SGSM1: variants seen among roughly 807,000 people sequenced by gnomAD.
SGSM1 encodes the protein small G protein signaling modulator 1.
SGSM1 carries 73 observed loss-of-function variants against 133.8 expected under a neutral mutation model. The ratio of observed to expected loss-of-function variants is 0.55; its 90% CI spans 0.45 to 0.66. The LOEUF is 0.66. Among genes scored for constraint, SGSM1 ranks in the 30% least tolerant of loss-of-function variants. The pLI is 0.00. For synonymous variants in SGSM1, 563 were observed against 573.0 expected, an observed-to-expected ratio of 0.98 and a Z score of 0.25; for missense variants, 1,213 against 1,448.1, an observed-to-expected ratio of 0.84 and a Z score of 2.64.
Position 24,868,878 on chromosome 22 carries a change from C to A in SGSM1, c.1291+23C>A, listed in dbSNP as rs1418452829. ...TCGGTGAGCTGCCCTGTCCCGGGCCCCGGGGAGTCACCTGCTAACTGATCC... is the reference window on the plus strand; with the variant it reads ...TCGGTGAGCTGCCCTGTCCCGGGCCACGGGGAGTCACCTGCTAACTGATCC... On this transcript the variant is annotated intron_variant, in intron 12 of 24. Coordinates refer to ENST00000400358, the MANE Select transcript of SGSM1 (RefSeq NM_001098497.3). 4.3e-6 allele frequency: 7 copies of A among 1,610,714 alleles called. 1 individual carries two copies. The South Asian group carries it at 7.7e-5, about 18-fold the overall frequency.
At chr22:24,881,728 C>T (rs1159969437) in intron 14 of SGSM1, among the ~76,000 whole-genome samples, 37 of 152,206 alleles carry the variant, frequency 2.4e-4, no homozygotes, top group Non-Finnish European at 1.5e-5. Flanking sequence ...ATCATCATCA[C>T]TATGACTGTC....
chr22:24,908,487 C>T (rs903475205), intron 21 of SGSM1, among the ~76,000 whole-genome samples: 6 of 152,036 alleles, frequency 3.9e-5, no homozygotes, highest in African/African-American at 1.5e-4. Flanking sequence ...AATATATAAA[C>T]AACTCTTACA....
chr22:24,844,757 G>A (rs1020991635), intron 2 of SGSM1, 140 bp from the exon 3 acceptor site: 8 of 617,468 alleles, frequency 1.3e-5, no homozygotes, highest in Non-Finnish European at 2.2e-5. Context: ...GGCGAGGAGG[G>A]GGAAGGAAAG....
chr22:24,921,785 C>T lies in SGSM1; in HGVS notation c.3193+1792C>T, dbSNP rs541097102. 3.3e-5 allele frequency among the ~76,000 whole-genome samples: 5 copies of T among 151,886 alleles called. No homozygotes were observed. In the East Asian group the frequency reaches 9.7e-4, roughly 29 times the overall value. ...CATGATCTCAGCTCACTACAACCTC[C>T]GCCTCCTGGGTTCAAGTGATTCTCC... On this transcript the variant is annotated intron_variant, in intron 24 of 24. Coordinates refer to ENST00000400358, the MANE Select transcript of SGSM1 (RefSeq NM_001098497.3).
At chr22:24,908,257 G>T (rs2123727211) in intron 21 of SGSM1, among the ~76,000 whole-genome samples, 1 of 152,252 alleles carries the variant, frequency 6.6e-6, no homozygotes, top group Middle Eastern at 3.4e-3. Context: ...AACTAAAACT[G>T]TAAAATTTAA....
At chr22:24,865,555 G>A (rs1350951049) in intron 9 of SGSM1, among the ~76,000 whole-genome samples, 1 of 152,152 alleles carries the variant, frequency 6.6e-6, no homozygotes, top group Non-Finnish European at 1.5e-5. Flanking sequence ...GGAAACTGAG[G>A]GCCAGAAACT....
rs182364918 is a variant in SGSM1, at chr22:24,911,422, G to A, written c.2819-1221G>A. 3.3e-4 allele frequency among the ~76,000 whole-genome samples: 50 copies of A among 151,604 alleles called. 1 individual carries two copies. Among genetic ancestry groups the A allele is most frequent in the African/African-American group, 1.1e-3 (47 of 41,324 alleles). On this transcript the variant is annotated intron_variant, in intron 21 of 24. Transcript: ENST00000400358. The stretch of plus-strand genomic sequence containing the variant: ...TTCTTCTCCCTCAGCCTCCCGAGTA[G>A]CTGGGATTACAGGCATGAACTACCA...
rs6004325 is a variant in SGSM1, at chr22:24,861,650, C to T, written c.926+1810C>T. On this transcript the variant is annotated intron_variant, in intron 9 of 24. Transcript: ENST00000400358. ...GCAACCTCTGCTTCCTGGGTTCAAG[C>T]GATCCTCCCACCTCAGCCTCCTGAG... Among the ~76,000 whole-genome samples the T allele has an allele frequency of 9.4e-3, 1,417 of 151,198 alleles. 32 individuals carry two copies. The highest frequency in any genetic ancestry group is 0.032 in the African/African-American group (1,335 of 41,242).
chr22:24,911,175 T>C lies in SGSM1; in HGVS notation c.2819-1468T>C, dbSNP rs140728473. Among the ~76,000 whole-genome samples, 1,167 of 151,984 alleles carry C rather than the reference T, an allele frequency of 7.7e-3. 18 individuals are homozygous for C. Among genetic ancestry groups the C allele is most frequent in the African/African-American group, 0.027 (1,116 of 41,436 alleles). On this transcript the variant is annotated intron_variant, in intron 21 of 24. Transcript: ENST00000400358. ...CACTTGAGGCTGCCAAGGTCGAGGC[T>C]GCAGTGAGCCGTGATTGTGCCACTG... is the stretch of plus-strand genomic sequence containing the variant.
At chr22:24,863,056 G>A (rs533358041) in intron 9 of SGSM1, among the ~76,000 whole-genome samples, 4 of 152,336 alleles carry the variant, frequency 2.6e-5, no homozygotes, top group South Asian at 2.1e-4. Flanking sequence ...CATTGGATCC[G>A]AGGATTGCCA....
chr22:24,901,928 CT>C lies in SGSM1; in HGVS notation c.2708del (p.Leu903TrpfsTer49), dbSNP rs1933179767. 1 of 1,409,956 alleles carries C rather than the reference CT, an allele frequency of 7.1e-7. No homozygotes were observed. Among genetic ancestry groups the C allele is most frequent in the Non-Finnish European group, 9.5e-7 (1 of 1,057,750 alleles). The allele number at this position is 1,409,956 out of a possible 1,614,324, so 87.3% of individuals were successfully genotyped here. A position where few individuals can be genotyped will look rare whatever the true frequency, so the allele number is the denominator to read the frequency against. ...RNYWYFTPANLEKLRNIMCSY... is the reference protein window; with the variant it reads ...RNYWYFTPANXEKLRNIMCSY... ...ACTACTGGTACTTCACGCCCGCCAACTTGGAGAAGCTGCGTAACATCATGTG... is the reference window on the plus strand; with the variant it reads ...ACTACTGGTACTTCACGCCCGCCAACTGGAGAAGCTGCGTAACATCATGTG... On this transcript the variant is annotated frameshift_variant, in exon 20 of 25. Coordinates refer to ENST00000400358, the MANE Select transcript of SGSM1 (RefSeq NM_001098497.3). LOFTEE classifies it high-confidence loss of function.
rs1227248144 is a variant in SGSM1 at position 24,827,180 on chromosome 22, C to T, written c.64-17717C>T. Among the ~76,000 whole-genome samples the T allele has an allele frequency of 2.0e-5, 3 of 151,978 alleles. No homozygotes were observed. The East Asian group carries it at 5.8e-4, about 29-fold the overall frequency. ...CAAGTTAATGTGGAACCTGGCAGGA[C>T]TCAAGGTGGGCAGCGGAGGGTACCT... On this transcript the variant is annotated intron_variant, in intron 2 of 24. Transcript: ENST00000400358.
chr22:24,819,026 G>C (rs909563199), intron 2 of SGSM1, among the ~76,000 whole-genome samples: 2 of 151,512 alleles, frequency 1.3e-5, no homozygotes, highest in African/African-American at 4.9e-5. Context: ...TGTGCCTGTA[G>C]TCCCAGCTAC....
chr22:24,884,253 C>T, intron 15 of SGSM1, 55 bp downstream of exon 15: 1 of 1,551,854 alleles, frequency 6.4e-7, no homozygotes, highest in Non-Finnish European at 8.7e-7. Flanking sequence ...GGGGGGTCAT[C>T]TTATTATCTG....
intron 2 of SGSM1, among the ~76,000 whole-genome samples, chr22:24,832,215 G>C (rs988703179): frequency 6.6e-6 from 1 of 152,190 alleles, no homozygotes; most frequent in Non-Finnish European, 1.5e-5. Context: ...CCTCAGATTT[G>C]TTGATGATCT....
At chr22:24,869,408 T>TG (rs1367811706) in intron 12 of SGSM1, among the ~76,000 whole-genome samples, 2 of 151,990 alleles carry the variant, frequency 1.3e-5, no homozygotes, top group African/African-American at 4.8e-5. Flanking sequence ...TGGTCCCAGC[T>TG]ATTTGGGAGG....
intron 2 of SGSM1, among the ~76,000 whole-genome samples, chr22:24,827,883 C>G (rs1436027170): frequency 2.0e-5 from 3 of 152,054 alleles, no homozygotes; most frequent in South Asian, 2.1e-4. Context: ...ACACCCTGTC[C>G]TTTATGCTAA....
At chr22:24,859,265 G>A (rs1344547433) in intron 8 of SGSM1, among the ~76,000 whole-genome samples, 1 of 152,142 alleles carries the variant, frequency 6.6e-6, no homozygotes, top group Non-Finnish European at 1.5e-5. Flanking sequence ...AGTGTAGGGG[G>A]GGTTTTTGGG....
At chr22:24,920,050 G>A (rs962951663) in intron 24 of SGSM1, 57 bp downstream of exon 24, 1 of 1,530,032 alleles carries the variant, frequency 6.5e-7, no homozygotes, top group Non-Finnish European at 8.8e-7. Flanking sequence ...GGCCCCTTTT[G>A]GGCATCTCAG....
Sources: gnomAD v4.1 joint callset for allele counts (sites outside exome capture counted in the v4.1 genomes callset) on GRCh38, gnomAD v4.1.1 for gene constraint, MANE v1.5 for transcripts, NCBI Gene and HGNC (gene_info 2026-07-23, HGNC 2026-07-21) for gene names.